The following PKLR variants were observed in gnomAD, a reference collection of about 807,000 sequenced individuals.
PKLR encodes the protein pyruvate kinase PKLR.
Under a neutral mutation model 53.6 loss-of-function variants are expected in PKLR, and 38 were observed. That is an observed-to-expected ratio of 0.71 (90% CI 0.55 to 0.93). The LOEUF is 0.93. PKLR is among the 40% of genes least tolerant of loss of function. The pLI is 0.00. For synonymous variants in PKLR, 328 were observed against 316.2 expected, an observed-to-expected ratio of 1.04 and a Z score of -0.39; for missense variants, 702 against 787.3, an observed-to-expected ratio of 0.89 and a Z score of 1.30.
rs531294009 is a variant in PKLR, at chr1:155,293,279, G to A, written c.1334C>T (p.Ala445Val). The A allele has an allele frequency of 1.5e-5, 25 of 1,614,234 alleles. 1 individual carries two copies. Among genetic ancestry groups the A allele is most frequent in the Admixed American group, 1.5e-4 (9 of 60,022 alleles). The change falls in exon 9 of 11, where the codon GCG becomes GTG. Residue 445 changes from alanine (A) to valine (V), a missense_variant. By Grantham distance (64) the Ala-to-Val change is moderately conservative. Around this residue, in one of 2 missense-constraint regions of PKLR, gnomAD observed 183 missense variants for 250.2 expected, o/e 0.73. Coordinates refer to ENST00000342741, the MANE Select transcript of PKLR (RefSeq NM_000298.6). The surrounding 1 kb of genome is among the most constrained non-coding windows in gnomAD (Gnocchi z 4.2). ...RQLFEELRRA[A>V]PLSRDPTEVT... ...CTCAGTGGGATCACGGCTTAGTGGC[G>A]CTGCCCGACGTAGCTCCTCAAACAG... is the stretch of plus-strand genomic sequence containing the variant.
At chr1:155,307,795 G>T in the PKLR span, among the ~76,000 whole-genome samples, 1 of 152,088 alleles carries the variant, frequency 6.6e-6, no homozygotes, top group Non-Finnish European at 1.5e-5. Flanking sequence ...TGGCCAATCT[G>T]GAGAAACCCC....
In PKLR at chr1:155,293,699, G is replaced by A. The variant is rs995369416; in HGVS notation, c.1117-109C>T. The A allele has an allele frequency of 1.8e-6, 2 of 1,096,424 alleles. No homozygotes were observed. The highest frequency in any genetic ancestry group is 2.8e-6 in the Non-Finnish European group (2 of 727,124). The allele number at this position is 1,096,424 out of a possible 1,614,324, so 67.9% of individuals were successfully genotyped here. A position where few individuals can be genotyped will look rare whatever the true frequency, so the allele number is the denominator to read the frequency against. On this transcript the variant is annotated intron_variant, in intron 7 of 10. Transcript: ENST00000342741. This position sits in a 1 kb window ranked among gnomAD's most constrained non-coding sequence, Gnocchi z 4.2. ...CTCTCAGAGTGTCCCAAAATCCAGG[G>A]TCACAGTCACAACCCCTGAAAATAG...
intron 2 of PKLR, among the ~76,000 whole-genome samples, chr1:155,296,888 G>T (rs760757330): frequency 6.6e-6 from 1 of 151,346 alleles, no homozygotes; most frequent in Non-Finnish European, 1.5e-5. Flanking sequence ...ATCTGTTCTT[G>T]TCAAGGTCAC....
Position 155,290,244 on chromosome 1 carries a change from C to T in PKLR, c.*328G>A, listed in dbSNP as rs1674471942. On this transcript the variant is annotated 3_prime_UTR_variant, in exon 11 of 11. Transcript: ENST00000342741. ...GGATGCCTGGGGTTATGGAATTAAC[C>T]AGCCAAACTGGGATTAAAGACTCAA... is the stretch of plus-strand genomic sequence containing the variant. 1 of 368,562 alleles carries T rather than the reference C, an allele frequency of 2.7e-6. No individual in the cohort carries two copies. Among genetic ancestry groups the T allele is most frequent in the Admixed American group, 4.0e-5 (1 of 25,294 alleles). The allele number at this position is 368,562 out of a possible 1,614,324, so 22.8% of individuals were successfully genotyped here.
chr1:155,301,110 G>C, intron 1 of PKLR, 186 bp downstream of exon 1: 2 of 1,422,114 alleles, frequency 1.4e-6, no homozygotes, highest in Non-Finnish European at 1.9e-6. Flanking sequence ...CCTGCCTATA[G>C]GGCCTGGAAA....
rs1256242157 is a variant in PKLR, at chr1:155,290,541, G to A, written c.*31C>T. ...TGGGGAGGAAGGGATGGGGTACAAG[G>A]GTAGGCTGGGCCAGAGGAGGGAGGG... On this transcript the variant is annotated 3_prime_UTR_variant, in exon 11 of 11. Coordinates refer to ENST00000342741, the MANE Select transcript of PKLR (RefSeq NM_000298.6). The A allele has an allele frequency of 7.6e-7, 1 of 1,319,158 alleles. No homozygotes were observed. Among genetic ancestry groups the A allele is most frequent in the Non-Finnish European group, 1.1e-6 (1 of 913,198 alleles). The allele number at this position is 1,319,158 out of a possible 1,614,324, so 81.7% of individuals were successfully genotyped here.
chr1:155,292,556 G>A (rs1647266614), intron 9 of PKLR, among the ~76,000 whole-genome samples: 1 of 152,210 alleles, frequency 6.6e-6, no homozygotes, highest in Non-Finnish European at 1.5e-5. Flanking sequence ...AGAATCACTT[G>A]AACTTGGGAG....
chr1:155,295,052 G>T lies in PKLR; in HGVS notation c.694+64C>A. 6.4e-7 allele frequency: 1 copy of T among 1,550,820 alleles called. No individual in the cohort carries two copies. ...GTGATCGGTCTGAGGGCTGATGGGG[G>T]AGCCAAGGAGAAGGGAATGTGCCCA... On this transcript the variant is annotated intron_variant, in intron 5 of 10. Coordinates refer to ENST00000342741, the MANE Select transcript of PKLR (RefSeq NM_000298.6). This position sits in a 1 kb window ranked among gnomAD's most constrained non-coding sequence, Gnocchi z 4.3.
the PKLR span, among the ~76,000 whole-genome samples, chr1:155,307,679 TA>T: frequency 1.3e-5 from 2 of 152,208 alleles, no homozygotes; most frequent in African/African-American, 2.4e-5. Flanking sequence ...GTTTAGCTTA[TA>T]ATCAATAAAT....
At position 155,300,335 on chromosome 1, in the gene PKLR, C is replaced by T. The variant is rs994023517; in HGVS notation, c.101-55G>A. 10 of 1,421,328 alleles carry T rather than the reference C, an allele frequency of 7.0e-6. No homozygotes were observed. In the East Asian group the frequency reaches 2.2e-4, roughly 32 times the overall value. 88.0% of individuals were successfully genotyped at this position (1,421,328 alleles called of 1,614,324 possible). A position where few individuals can be genotyped will look rare whatever the true frequency, so the allele number is the denominator to read the frequency against. On this transcript the variant is annotated intron_variant, in intron 1 of 10. Transcript: ENST00000342741. ...TGTCACCTGCCCTTCCTCCCCATGC[C>T]TTCGTCTCTCAGCATACCCTCTGTT... is the stretch of plus-strand genomic sequence containing the variant.
In PKLR at chr1:155,291,740, G is replaced by A; in HGVS notation, c.1618+16C>T. On this transcript the variant is annotated intron_variant, in intron 10 of 10. Transcript: ENST00000342741. The stretch of plus-strand genomic sequence containing the variant: ...TACAAATGGTAGGAGTGGCAGGGAA[G>A]GTCTAGGTAGCTCACCACTTTCAAT... 1 of 1,611,946 alleles carries A rather than the reference G, an allele frequency of 6.2e-7. No individual in the cohort carries two copies. The highest frequency in any genetic ancestry group is 8.5e-7 in the Non-Finnish European group (1 of 1,178,042).
In PKLR at chr1:155,295,541, G is replaced by T. The variant is rs770175821; in HGVS notation, c.403C>A (p.Arg135=). The T allele has an allele frequency of 1.9e-6, 3 of 1,613,764 alleles. No homozygotes were observed. In the East Asian group the frequency reaches 6.7e-5, roughly 36 times the overall value. Residue 135 remains arginine, a synonymous_variant, in exon 4 of 11, where the codon CGG becomes AGG. Transcript: ENST00000342741. This position sits in a 1 kb window ranked among gnomAD's most constrained non-coding sequence, Gnocchi z 4.3. ...EYHAESIANV[R]EAVESFAGSP... Reference sequence around the variant, plus strand: ...CCTGCAAAGCTCTCCACCGCCTCCCGGACGTTGGCGATGGACTCAGCATGG... The same window carrying T: ...CCTGCAAAGCTCTCCACCGCCTCCCTGACGTTGGCGATGGACTCAGCATGG...
At chr1:155,296,678 G>A (rs913393227) in intron 2 of PKLR, among the ~76,000 whole-genome samples, 5 of 151,846 alleles carry the variant, frequency 3.3e-5, no homozygotes, top group South Asian at 2.1e-4. Flanking sequence ...ATCCCCATCC[G>A]CAGGTAAACC....
rs760148639 is a variant in PKLR, at chr1:155,299,034, C to CTT, written c.283+1063_283+1064insAA. On this transcript the variant is annotated intron_variant, in intron 2 of 10. Transcript: ENST00000342741. ...TCTTTCTTTCTTTCTTTCTTTCTTT[C>CTT]TCTTTCTTTCTTTCTTTCCTTCCTT... Among the ~76,000 whole-genome samples, 523 of 60,948 alleles carry CTT rather than the reference C, an allele frequency of 8.6e-3. 35 individuals carry two copies. Among genetic ancestry groups the CTT allele is most frequent in the East Asian group, 0.045 (73 of 1,614 alleles). The allele number at this position is 60,948 out of a possible 152,430, so 40.0% of individuals were successfully genotyped here.
rs1026642469 is a variant in PKLR, at chr1:155,301,175, T to A, written c.100+121A>T. ...CACGGGAGGCTCTGAAGAACGTACGTTCCTCTCCAAAACCCACCTAGCCAG... is the reference window on the plus strand; with the variant it reads ...CACGGGAGGCTCTGAAGAACGTACGATCCTCTCCAAAACCCACCTAGCCAG... On this transcript the variant is annotated intron_variant, in intron 1 of 10. Transcript: ENST00000342741. The A allele has an allele frequency of 2.2e-6, 3 of 1,366,164 alleles. No homozygotes were observed. In the African/African-American group the frequency reaches 4.3e-5, roughly 20 times the overall value. 84.6% of individuals were successfully genotyped at this position (1,366,164 alleles called of 1,614,324 possible).
Position 155,295,371 on chromosome 1 carries a change from T to C in PKLR, c.507+66A>G. On this transcript the variant is annotated intron_variant, in intron 4 of 10. Coordinates refer to ENST00000342741, the MANE Select transcript of PKLR (RefSeq NM_000298.6). The surrounding 1 kb of genome is among the most constrained non-coding windows in gnomAD (Gnocchi z 4.3). ...TCCGGGACCCGCCCCTGCCCACGCC[T>C]GGGCCCAACCCTACAGGCGCCGCCT... 1 of 1,613,090 alleles carries C rather than the reference T, an allele frequency of 6.2e-7. No homozygotes were observed.
chr1:155,298,953 C>CCTTTCTTTCTTTCTTTCTTTCTTT (rs530027982), intron 2 of PKLR, among the ~76,000 whole-genome samples: 2 of 103,932 alleles, frequency 1.9e-5, no homozygotes, highest in African/African-American at 3.2e-5. Flanking sequence ...AACTTTCACT[C>CCTTTCTTTCTTTCTTTCTTTCTTT]CTTTCTTTCT....
chr1:155,308,646 G>T, the PKLR span: 27 of 985,280 alleles, frequency 2.7e-5, no homozygotes, highest in Non-Finnish European at 3.0e-5. Context: ...GCTCGCTTCC[G>T]GCACTGACGC....
In PKLR at chr1:155,295,889, C is replaced by T; in HGVS notation, c.284-133G>A. ...ACCTGATCTTTATTCCCTGATGCAA[C>T]CCCTGCCCACAGATCACAGACTCCC... On this transcript the variant is annotated intron_variant, in intron 2 of 10. Transcript: ENST00000342741. This position sits in a 1 kb window ranked among gnomAD's most constrained non-coding sequence, Gnocchi z 4.3. 1 of 752,102 alleles carries T rather than the reference C, an allele frequency of 1.3e-6. No individual in the cohort carries two copies. The highest frequency in any genetic ancestry group is 2.3e-6 in the Non-Finnish European group (1 of 427,656). 46.6% of individuals were successfully genotyped at this position (752,102 alleles called of 1,614,324 possible).
Sources: allele counts gnomAD v4.1 joint callset (sites outside exome capture counted in the v4.1 genomes callset), GRCh38; gene constraint gnomAD v4.1.1; regional missense constraint gnomAD v4.1.1; non-coding constraint Gnocchi (gnomAD v3.1); transcripts MANE v1.5; gene names NCBI Gene and HGNC (gene_info 2026-07-23, HGNC 2026-07-21).